TEK: variants seen among roughly 807,000 people sequenced by gnomAD.
The protein encoded by TEK is TEK receptor tyrosine kinase.
Under a neutral mutation model 131.8 loss-of-function variants are expected in TEK, and 43 were observed. That is an observed-to-expected ratio of 0.33 (90% CI 0.26 to 0.42). TEK has a LOEUF of 0.42. Among genes scored for constraint, TEK ranks in the 10% least tolerant of loss-of-function variants. The pLI is 1.00. For missense variants in TEK, 1,162 were observed against 1,384.4 expected (o/e 0.84, Z 2.55); for synonymous variants, 580 against 491.6 (o/e 1.18, Z -2.38).
intron 1 of TEK, among the ~76,000 whole-genome samples, chr9:27,154,769 A>G (rs1481762287): frequency 6.6e-6 from 1 of 152,150 alleles, no homozygotes; most frequent in African/African-American, 2.4e-5. Flanking sequence ...TGGCTGGTGG[A>G]AGAGGTCTTC....
At chr9:27,146,718 C>A (rs1028441727) in intron 1 of TEK, among the ~76,000 whole-genome samples, 2 of 129,718 alleles carry the variant, frequency 1.5e-5, no homozygotes, top group African/African-American at 5.9e-5. Context: ...TATAAACATT[C>A]TATTTTTTTT....
intron 1 of TEK, among the ~76,000 whole-genome samples, chr9:27,137,833 T>A (rs562445915): frequency 0.011 from 1,716 of 152,164 alleles, 40 homozygotes; most frequent in African/African-American, 0.039. Context: ...CTGGTTGTAT[T>A]AGTTCTTTTG....
At chr9:27,202,298 T>G (rs1360772) in intron 12 of TEK, among the ~76,000 whole-genome samples, 1 of 152,030 alleles carries the variant, frequency 6.6e-6, no homozygotes, top group Non-Finnish European at 1.5e-5. Context: ...GGGCAAGGAC[T>G]GACCACATGA....
At chr9:27,136,642 C>T (rs1564051506) in intron 1 of TEK, among the ~76,000 whole-genome samples, 1 of 152,090 alleles carries the variant, frequency 6.6e-6, no homozygotes, top group Non-Finnish European at 1.5e-5. Flanking sequence ...GAGTACAACA[C>T]ACTGAACTGA....
intron 1 of TEK, among the ~76,000 whole-genome samples, chr9:27,151,691 C>T (rs748198141): frequency 6.6e-6 from 1 of 152,154 alleles, no homozygotes. Flanking sequence ...ATGTCTGTCT[C>T]CTACATTTGC....
chr9:27,120,739 G>C (rs1006224738), intron 1 of TEK, among the ~76,000 whole-genome samples: 4 of 152,180 alleles, frequency 2.6e-5, no homozygotes, highest in African/African-American at 9.7e-5. Context: ...AGATATACTC[G>C]ACTGGGCTCT....
chr9:27,122,836 G>A (rs555799480), intron 1 of TEK, among the ~76,000 whole-genome samples: 106 of 152,022 alleles, frequency 7.0e-4, no homozygotes, highest in South Asian at 2.7e-3. Context: ...GCTAGATCAC[G>A]AGGTCAGGAG....
In TEK at chr9:27,229,971, C is replaced by CTT. The variant is rs1826500339; in HGVS notation, c.*740_*741dup. 1 of 152,180 alleles carries CTT rather than the reference C, an allele frequency of 6.6e-6. No homozygotes were observed. Among genetic ancestry groups the CTT allele is most frequent in the Non-Finnish European group, 1.5e-5 (1 of 68,076 alleles). The allele number at this position is 152,180 out of a possible 1,614,324, so 9.4% of individuals were successfully genotyped here. On this transcript the variant is annotated 3_prime_UTR_variant, in exon 23 of 23. Transcript: ENST00000380036. Reference sequence around the variant, plus strand: ...CTTTTCTTTTCTCTGGTAATATTGACTTGTATATTTTAAGAAATAACAGAA... The same window carrying CTT: ...CTTTTCTTTTCTCTGGTAATATTGACTTTTGTATATTTTAAGAAATAACAGAA...
chr9:27,204,650 A>C (rs1462866400), intron 13 of TEK, among the ~76,000 whole-genome samples: 2 of 151,262 alleles, frequency 1.3e-5, no homozygotes, highest in South Asian at 4.2e-4. Flanking sequence ...ACAAATGACA[A>C]CTAATGATTA....
chr9:27,136,042 A>G (rs898583146), intron 1 of TEK, among the ~76,000 whole-genome samples: 4 of 151,772 alleles, frequency 2.6e-5, no homozygotes, highest in African/African-American at 9.7e-5. Context: ...GCGGAATTCA[A>G]ATGCCCTCTA....
intron 1 of TEK, among the ~76,000 whole-genome samples, chr9:27,153,669 G>A (rs1027912357): frequency 3.3e-5 from 5 of 152,196 alleles, no homozygotes; most frequent in Non-Finnish European, 7.3e-5. Context: ...ATTTGGAGAG[G>A]ATAGCGCTAT....
intron 21 of TEK, among the ~76,000 whole-genome samples, chr9:27,222,067 CA>C (rs1265289762): frequency 1.3e-5 from 2 of 152,186 alleles, no homozygotes; most frequent in Non-Finnish European, 2.9e-5. Flanking sequence ...AGCTAAAAAT[CA>C]CAGCACGAAT....
In TEK at chr9:27,143,446, G is replaced by A. The variant is rs560017182; in HGVS notation, c.53-14385G>A. On this transcript the variant is annotated intron_variant, in intron 1 of 22. Transcript: ENST00000380036. ...GCCAGGGAGGGGGCACACCTTGTCA[G>A]AATGAAGAGAAGAACCGAGAAACAG... Among the ~76,000 whole-genome samples, 143 of 152,310 alleles carry A rather than the reference G, an allele frequency of 9.4e-4. 1 individual carries two copies. Among genetic ancestry groups the A allele is most frequent in the African/African-American group, 3.3e-3 (138 of 41,552 alleles).
intron 21 of TEK, among the ~76,000 whole-genome samples, chr9:27,222,485 A>ATTTGT (rs1826125163): frequency 6.6e-6 from 1 of 152,238 alleles, no homozygotes; most frequent in South Asian, 2.1e-4. Flanking sequence ...TTACCCACAA[A>ATTTGT]GGGAAGCCAA....
chr9:27,179,073 C>T (rs893611905), intron 6 of TEK, among the ~76,000 whole-genome samples: 3 of 152,030 alleles, frequency 2.0e-5, no homozygotes, highest in Non-Finnish European at 4.4e-5. Context: ...CTTCTTGGAC[C>T]TCCAGTTACA....
intron 11 of TEK, among the ~76,000 whole-genome samples, chr9:27,195,318 A>G (rs1264651553): frequency 6.6e-6 from 1 of 152,144 alleles, no homozygotes; most frequent in Admixed American, 6.5e-5. Context: ...CTCACCTCGA[A>G]CCAAGAGTAA....
At chr9:27,178,077 C>T (rs993680887) in intron 6 of TEK, among the ~76,000 whole-genome samples, 2 of 152,044 alleles carry the variant, frequency 1.3e-5, no homozygotes, top group African/African-American at 4.8e-5. Context: ...CTGTTTTCTT[C>T]TAGTAGTTTT....
At position 27,180,377 on chromosome 9, in the gene TEK, A is replaced by C; in HGVS notation, c.1030+9A>C. 6.2e-7 allele frequency: 1 copy of C among 1,611,804 alleles called. No homozygotes were observed. Among genetic ancestry groups the C allele is most frequent in the Non-Finnish European group, 8.5e-7 (1 of 1,178,822 alleles). On this transcript the variant is annotated intron_variant, in intron 7 of 22. Coordinates refer to ENST00000380036, the MANE Select transcript of TEK (RefSeq NM_000459.5). ...CCAGTGTGAGAGAGAAGGTAAAGCAAGGTAACACTGTAGTCAGGGCCATGT... is the reference window on the plus strand; with the variant it reads ...CCAGTGTGAGAGAGAAGGTAAAGCACGGTAACACTGTAGTCAGGGCCATGT...
chr9:27,175,691 G>T (rs538304533), intron 6 of TEK, among the ~76,000 whole-genome samples: 1 of 152,104 alleles, frequency 6.6e-6, no homozygotes, highest in African/African-American at 2.4e-5. Context: ...TAACTGGTGT[G>T]AGATGGTATC....
Sources: allele counts gnomAD v4.1 joint callset (sites outside exome capture counted in the v4.1 genomes callset), GRCh38; gene constraint gnomAD v4.1.1; transcripts MANE v1.5; gene names NCBI Gene and HGNC (gene_info 2026-07-23, HGNC 2026-07-21).